The following NAALADL2 variants were observed in gnomAD, a reference collection of about 807,000 sequenced individuals.
The protein encoded by NAALADL2 is inactive N-acetylated-alpha-linked acidic dipeptidase-like protein 2.
NAALADL2 carries 76 observed loss-of-function variants against 87.2 expected under a neutral mutation model. The ratio of observed to expected loss-of-function variants is 0.87; its 90% CI spans 0.72 to 1.05. NAALADL2 has a LOEUF of 1.05. Among genes scored for constraint, NAALADL2 ranks in the 50% least tolerant of loss-of-function variants. NAALADL2 has a pLI of 0.00. For synonymous variants in NAALADL2, 354 were observed against 331.0 expected (o/e 1.07, Z -0.75); for missense variants, 1,089 against 945.8 (o/e 1.15, Z -1.99).
chr3:175,348,052 T>C (rs1466381450), intron 5 of NAALADL2, among the ~76,000 whole-genome samples: 1 of 152,054 alleles, frequency 6.6e-6, no homozygotes, highest in Admixed American at 6.6e-5. Flanking sequence ...TTAGGTTTCT[T>C]TTGTTTTGTT....
intron 11 of NAALADL2, among the ~76,000 whole-genome samples, chr3:175,691,816 T>C (rs1737083671): frequency 6.6e-6 from 1 of 152,130 alleles, no homozygotes; most frequent in Admixed American, 6.6e-5. Context: ...TTAAGAGCAA[T>C]ATTAAACTTG....
intron 1 of NAALADL2, among the ~76,000 whole-genome samples, chr3:174,503,041 C>G (rs7648463): frequency 7.0e-6 from 1 of 142,348 alleles, no homozygotes; most frequent in Admixed American, 6.7e-5. Flanking sequence ...AAAAAAAAAA[C>G]CTCTTATCTT....
At chr3:175,469,121 T>C (rs919652901) in intron 8 of NAALADL2, among the ~76,000 whole-genome samples, 1 of 152,040 alleles carries the variant, frequency 6.6e-6, no homozygotes, top group African/African-American at 2.4e-5. Context: ...GCATTTTAGG[T>C]GACTAGATGG....
chr3:175,306,951 A>G (rs1026129875), intron 4 of NAALADL2, among the ~76,000 whole-genome samples: 2 of 152,202 alleles, frequency 1.3e-5, no homozygotes, highest in Non-Finnish European at 2.9e-5. Flanking sequence ...CAGATTTCTC[A>G]GACTTGTGGT....
intron 3 of NAALADL2, among the ~76,000 whole-genome samples, chr3:174,840,486 G>A (rs1158308236): frequency 6.6e-6 from 1 of 152,034 alleles, no homozygotes; most frequent in Non-Finnish European, 1.5e-5. Context: ...AAATATTTTA[G>A]AAAAGATTTG....
intron 1 of NAALADL2, among the ~76,000 whole-genome samples, chr3:174,494,621 TAA>T (rs71162392): frequency 0.013 from 1,863 of 148,386 alleles, 36 homozygotes; most frequent in African/African-American, 0.044. Flanking sequence ...CTTAAAGTAT[TAA>T]AAAAAAAAAA....
chr3:175,031,812 G>A (rs968880792), intron 1 of NAALADL2, among the ~76,000 whole-genome samples: 9 of 151,858 alleles, frequency 5.9e-5, no homozygotes. Flanking sequence ...TAACCATTCT[G>A]ACTGGTGTGA....
chr3:175,711,083 C>T (rs541386742), intron 11 of NAALADL2, among the ~76,000 whole-genome samples: 17 of 151,830 alleles, frequency 1.1e-4, no homozygotes, highest in African/African-American at 3.6e-4. Flanking sequence ...TCAAATTTAC[C>T]TTTGCTCGGT....
rs1012777384 is a variant in NAALADL2, at chr3:175,100,860, A to T, written c.545+3569A>T. ...TCTCAAAAAAAAAAAAAAAAAAAAA[A>T]ATTGCAGAAAAAGAGGTAGTTGTTT... is the stretch of plus-strand genomic sequence containing the variant. On this transcript the variant is annotated intron_variant, in intron 2 of 13. Transcript: ENST00000454872. 4.7e-5 allele frequency among the ~76,000 whole-genome samples: 7 copies of T among 149,204 alleles called. No individual in the cohort carries two copies. The South Asian group carries it at 6.3e-4, about 13-fold the overall frequency.
intron 2 of NAALADL2, among the ~76,000 whole-genome samples, chr3:174,614,288 C>T (rs868354536): frequency 9.9e-5 from 15 of 152,246 alleles, no homozygotes; most frequent in African/African-American, 3.4e-4. Context: ...ATCCTTGTAG[C>T]CTTGACTACC....
At position 175,755,252 on chromosome 3, in the gene NAALADL2, A is replaced by C; in HGVS notation, c.2023A>C (p.Met675Leu). 1 of 1,613,444 alleles carries C rather than the reference A, an allele frequency of 6.2e-7. No homozygotes were observed. The highest frequency in any genetic ancestry group is 1.1e-5 in the South Asian group (1 of 90,972). The change falls in exon 13 of 14, where the codon ATG becomes CTG. Residue 675 changes from methionine to leucine, a missense_variant. Coordinates refer to ENST00000454872, the MANE Select transcript of NAALADL2 (RefSeq NM_207015.3). ...DQPNTHQLLA[M>L]ALRLRESAEL... ...ACCCAACACTCATCAACTGTTAGCC[A>C]TGGCGTTACGCCTGCGGGAGAGTGC... is the stretch of plus-strand genomic sequence containing the variant.
intron 5 of NAALADL2, among the ~76,000 whole-genome samples, chr3:175,359,174 C>T (rs1006584536): frequency 3.9e-5 from 6 of 152,054 alleles, no homozygotes; most frequent in Admixed American, 6.6e-5. Context: ...ATCAGTTAAA[C>T]TCATTACCCT....
chr3:174,713,835 T>G (rs1730922535), intron 2 of NAALADL2, among the ~76,000 whole-genome samples: 1 of 152,102 alleles, frequency 6.6e-6, no homozygotes, highest in Non-Finnish European at 1.5e-5. Flanking sequence ...TTGTCTTTTG[T>G]TGCCATTGCT....
chr3:175,134,274 C>T (rs1728733499), intron 2 of NAALADL2, among the ~76,000 whole-genome samples: 2 of 152,340 alleles, frequency 1.3e-5, no homozygotes, highest in South Asian at 4.1e-4. Context: ...TTCAAGGTAA[C>T]TTGTAGTCAA....
At chr3:175,770,040 A>G (rs140461883) in intron 13 of NAALADL2, among the ~76,000 whole-genome samples, 101 of 152,196 alleles carry the variant, frequency 6.6e-4, no homozygotes, top group African/African-American at 2.0e-3. Context: ...ATCAAGGACA[A>G]TTTCCTTTAA....
intron 7 of NAALADL2, among the ~76,000 whole-genome samples, chr3:175,466,038 A>G (rs1250848771): frequency 6.6e-6 from 1 of 152,206 alleles, no homozygotes; most frequent in African/African-American, 2.4e-5. Context: ...ATACTAAGGC[A>G]TCGAAAGTTG....
At chr3:175,137,635 T>G (rs1729318379) in intron 2 of NAALADL2, among the ~76,000 whole-genome samples, 1 of 147,628 alleles carries the variant, frequency 6.8e-6, no homozygotes, top group African/African-American at 2.5e-5. Flanking sequence ...AGACAGAGTC[T>G]CCCTCTGTTG....
intron 1 of NAALADL2, among the ~76,000 whole-genome samples, chr3:175,052,488 T>A (rs980421283): frequency 5.3e-5 from 8 of 152,222 alleles, no homozygotes; most frequent in African/African-American, 1.9e-4. Context: ...AGGATCCACA[T>A]CTGCAGACTA....
intron 1 of NAALADL2, among the ~76,000 whole-genome samples, chr3:174,972,068 C>G (rs543073514): frequency 6.6e-6 from 1 of 152,166 alleles, no homozygotes; most frequent in South Asian, 2.1e-4. Context: ...CCATGAACAC[C>G]CTACCTCATT....
Sources: allele counts gnomAD v4.1 joint callset (sites outside exome capture counted in the v4.1 genomes callset), GRCh38; gene constraint gnomAD v4.1.1; transcripts MANE v1.5; gene names NCBI Gene and HGNC (gene_info 2026-07-23, HGNC 2026-07-21).